The following TRIO variants were observed in gnomAD, a reference collection of about 807,000 sequenced individuals.
The protein encoded by TRIO is triple functional domain protein.
TRIO carries 58 observed loss-of-function variants against 351.9 expected under a neutral mutation model. That is an observed-to-expected ratio of 0.16 (90% confidence interval 0.13 to 0.21). The LOEUF (loss-of-function observed/expected upper bound fraction) is 0.21. Among genes scored for constraint, TRIO ranks in the 10% least tolerant of loss-of-function variants. TRIO has a pLI of 1.00. For missense variants in TRIO, 3,201 were observed against 4,027.8 expected (o/e 0.79, Z 5.56); for synonymous variants, 1,758 against 1,595.7 (o/e 1.10, Z -2.42).
intron 1 of TRIO, among the ~76,000 whole-genome samples, chr5:14,165,639 G>A (rs756494822): frequency 1.3e-5 from 2 of 152,018 alleles, no homozygotes; most frequent in Non-Finnish European, 2.9e-5. Flanking sequence ...CCCTTCAAAG[G>A]GACTTTCCTT....
intron 9 of TRIO, among the ~76,000 whole-genome samples, chr5:14,319,929 G>GCCT (rs1739722712): frequency 6.6e-6 from 1 of 152,170 alleles, no homozygotes; most frequent in Admixed American, 6.5e-5. Flanking sequence ...CATTTTGGAT[G>GCCT]GTAGTCAGGC....
At chr5:14,390,836 A>G in intron 26 of TRIO, 65 bp from the exon 27 acceptor site, 1 of 1,377,906 alleles carries the variant, frequency 7.3e-7, no homozygotes, top group Non-Finnish European at 9.9e-7. Flanking sequence ...TCTTTTCTAT[A>G]TGAAAGTTTA....
chr5:14,325,833 C>G (rs777190504), intron 9 of TRIO, among the ~76,000 whole-genome samples: 11 of 152,166 alleles, frequency 7.2e-5, no homozygotes, highest in Non-Finnish European at 1.2e-4. Flanking sequence ...TGCAGCGGGA[C>G]TGAGGAAGCA....
chr5:14,145,492 A>ACCC (rs36110495), intron 1 of TRIO, among the ~76,000 whole-genome samples: 1 of 144,890 alleles, frequency 6.9e-6, no homozygotes, highest in African/African-American at 2.5e-5. Context: ...AAAGAAAGCT[A>ACCC]CCCCCCCCCA....
At chr5:14,502,280 G>T (rs187861260) in intron 53 of TRIO, among the ~76,000 whole-genome samples, 3 of 152,266 alleles carry the variant, frequency 2.0e-5, no homozygotes, top group Admixed American at 2.0e-4. Flanking sequence ...AAAAATAAAA[G>T]TAAAAGCAGT....
At chr5:14,333,430 T>G (rs1741094250) in intron 10 of TRIO, among the ~76,000 whole-genome samples, 1 of 152,212 alleles carries the variant, frequency 6.6e-6, no homozygotes, top group Non-Finnish European at 1.5e-5. Flanking sequence ...GGTGATAATT[T>G]AAGTTACCTG....
intron 1 of TRIO, among the ~76,000 whole-genome samples, chr5:14,149,724 T>C (rs1157547147): frequency 6.6e-6 from 1 of 152,064 alleles, no homozygotes; most frequent in Non-Finnish European, 1.5e-5. Context: ...TACTCTTGTC[T>C]GATGGGGGAG....
At chr5:14,287,088 C>G in intron 4 of TRIO, 25 bp downstream of exon 4, 4 of 1,606,140 alleles carry the variant, frequency 2.5e-6, no homozygotes, top group Non-Finnish European at 3.4e-6. Context: ...GTGGCTAGAC[C>G]CACTAAACAA....
At chr5:14,412,196 C>G (rs1749263233) in intron 33 of TRIO, among the ~76,000 whole-genome samples, 1 of 152,120 alleles carries the variant, frequency 6.6e-6, no homozygotes, top group East Asian at 1.9e-4. Context: ...CCATGTTGGC[C>G]AGGCTGGTCT....
At chr5:14,172,876 A>T (rs142277688) in intron 1 of TRIO, among the ~76,000 whole-genome samples, 515 of 152,314 alleles carry the variant, frequency 3.4e-3, no homozygotes, top group Non-Finnish European at 5.4e-3. Context: ...CTGCTGAGGG[A>T]TCAGAGTGGA....
At chr5:14,415,651 G>C (rs573929957) in intron 33 of TRIO, among the ~76,000 whole-genome samples, 1 of 152,270 alleles carries the variant, frequency 6.6e-6, no homozygotes, top group South Asian at 2.1e-4. Context: ...TGCAACCAGA[G>C]ATGAGTATTT....
Position 14,508,524 on chromosome 5 carries a change from T to C in TRIO, c.*102T>C. ...AAACATAACTGATCAGCTGCCGGTATGTTCATCGTGTGAAATTGCATTCCA... is the reference window on the plus strand; with the variant it reads ...AAACATAACTGATCAGCTGCCGGTACGTTCATCGTGTGAAATTGCATTCCA... On this transcript the variant is annotated 3_prime_UTR_variant, in exon 57 of 57. Transcript: ENST00000344204. 1 of 1,403,848 alleles carries C rather than the reference T, an allele frequency of 7.1e-7. No homozygotes were observed. The highest frequency in any genetic ancestry group is 1.4e-5 in the South Asian group (1 of 71,140). The allele number at this position is 1,403,848 out of a possible 1,614,324, so 87.0% of individuals were successfully genotyped here. A position where few individuals can be genotyped will look rare whatever the true frequency, so the allele number is the denominator to read the frequency against.
intron 34 of TRIO, among the ~76,000 whole-genome samples, chr5:14,460,792 G>A (rs1263055139): frequency 1.3e-5 from 2 of 152,194 alleles, no homozygotes; most frequent in African/African-American, 4.8e-5. Flanking sequence ...GGAGAGGACA[G>A]TGCATCTTGA....
chr5:14,406,265 T>C (rs1298212442), intron 32 of TRIO: 5 of 567,296 alleles, frequency 8.8e-6, no homozygotes, highest in Non-Finnish European at 1.6e-5. Context: ...GTCTAACTCA[T>C]GCACATGACC....
At chr5:14,352,954 C>G (rs1044439863) in intron 11 of TRIO, among the ~76,000 whole-genome samples, 7 of 152,006 alleles carry the variant, frequency 4.6e-5, no homozygotes, top group African/African-American at 1.7e-4. Flanking sequence ...ATGGCGCTTC[C>G]CCTAGAATTG....
chr5:14,237,773 C>T (rs902457763), intron 1 of TRIO, among the ~76,000 whole-genome samples: 3 of 152,100 alleles, frequency 2.0e-5, no homozygotes, highest in African/African-American at 7.2e-5. Flanking sequence ...ATTCTTAGTT[C>T]GCCAATAATA....
chr5:14,449,282 C>T (rs940615158), intron 34 of TRIO, among the ~76,000 whole-genome samples: 3 of 152,200 alleles, frequency 2.0e-5, no homozygotes, highest in African/African-American at 7.2e-5. Flanking sequence ...GGATGAAAGA[C>T]GCCCTCTCGG....
At chr5:14,268,794 C>T (rs571337841) in intron 1 of TRIO, among the ~76,000 whole-genome samples, 2 of 152,182 alleles carry the variant, frequency 1.3e-5, no homozygotes, top group African/African-American at 4.8e-5. Context: ...CTTTGAGGGT[C>T]GCTGGGGAGC....
chr5:14,330,065 T>C (rs566413588), intron 9 of TRIO, among the ~76,000 whole-genome samples: 1 of 152,348 alleles, frequency 6.6e-6, no homozygotes, highest in Admixed American at 6.5e-5. Flanking sequence ...TTGTTAGATA[T>C]TGTCAGCGTT....
Sources: gnomAD v4.1 joint callset for allele counts (sites outside exome capture counted in the v4.1 genomes callset) on GRCh38, gnomAD v4.1.1 for gene constraint, MANE v1.5 for transcripts, NCBI Gene and HGNC (gene_info 2026-07-23, HGNC 2026-07-21) for gene names.